The following BPGM variants were observed in gnomAD, a reference collection of about 807,000 sequenced individuals.
BPGM encodes 2,3-bisphosphoglycerate mutase, erythrocyte.
A neutral mutation model predicts 21.6 loss-of-function variants in BPGM; 15 were observed. That is an observed-to-expected ratio of 0.70 (90% CI 0.47 to 1.07). The LOEUF (loss-of-function observed/expected upper bound fraction) is 1.07. Ranked by LOEUF, BPGM falls within the 50% of genes least tolerant of loss-of-function variation. The probability of loss-of-function intolerance (pLI) is 0.00; values close to 1 mark genes in which losing one functional copy is unlikely to be tolerated. For synonymous variants in BPGM, 113 were observed against 116.2 expected, an observed-to-expected ratio of 0.97 and a Z score of 0.18; for missense variants, 273 against 319.0, an observed-to-expected ratio of 0.86 and a Z score of 1.10.
At chr7:134,648,613 G>A (rs1237861802) in intron 1 of BPGM, among the ~76,000 whole-genome samples, 1 of 152,104 alleles carries the variant, frequency 6.6e-6, no homozygotes, top group African/African-American at 2.4e-5. Context: ...CAAGAACATT[G>A]GCTTTAGTCC....
At chr7:134,647,912 C>T (rs1033470132) in intron 1 of BPGM, among the ~76,000 whole-genome samples, 1 of 152,108 alleles carries the variant, frequency 6.6e-6, no homozygotes, top group African/African-American at 2.4e-5. Flanking sequence ...ATTCTCCTGC[C>T]TCAGCCTCCC....
rs1425013126 is a variant in BPGM, at chr7:134,662,114, A to G, written c.601+6A>G. The stretch of plus-strand genomic sequence containing the variant: ...ACTCCTAAAACACCTGGAAGGTACC[A>G]GCTTTATATACCACTTATTAGAGGT... On this transcript the variant is annotated splice_donor_region_variant and intron_variant, in intron 2 of 2. Transcript: ENST00000344924. 3.1e-6 allele frequency: 5 copies of G among 1,614,038 alleles called. No homozygotes were observed. Among genetic ancestry groups the G allele is most frequent in the East Asian group, 2.2e-5 (1 of 44,882 alleles).
chr7:134,668,718 T>C (rs1795856987), intron 2 of BPGM, among the ~76,000 whole-genome samples: 1 of 152,254 alleles, frequency 6.6e-6, no homozygotes, highest in Non-Finnish European at 1.5e-5. Context: ...ATCACTAAGC[T>C]GTTTTGCTTA....
chr7:134,649,079 G>C (rs900868056), intron 1 of BPGM, among the ~76,000 whole-genome samples: 1 of 152,066 alleles, frequency 6.6e-6, no homozygotes, highest in Non-Finnish European at 1.5e-5. Flanking sequence ...TCACATCAGA[G>C]TACATAGGGT....
At chr7:134,667,317 G>A (rs948397822) in intron 2 of BPGM, among the ~76,000 whole-genome samples, 4 of 151,954 alleles carry the variant, frequency 2.6e-5, no homozygotes, top group African/African-American at 7.3e-5. Flanking sequence ...CCCATTTTGT[G>A]GTTAATGCCT....
intron 1 of BPGM, among the ~76,000 whole-genome samples, chr7:134,650,088 G>T (rs111231528): frequency 0.011 from 1,654 of 152,310 alleles, 35 homozygotes; most frequent in African/African-American, 0.038. Context: ...ATTTAAATAA[G>T]TTAAGATCAC....
Position 134,665,649 on chromosome 7 carries a change from GAAAAA to G in BPGM, c.601+3561_601+3565del, listed in dbSNP as rs1164169964. ...AAAATAAAATAAAATAAAAATTAATGAAAAAAAAAAAAAAAAAAAAAAAAGTGCAG... is the reference window on the plus strand; with the variant it reads ...AAAATAAAATAAAATAAAAATTAATGAAAAAAAAAAAAAAAAAAAGTGCAG... On this transcript the variant is annotated intron_variant, in intron 2 of 2. Coordinates refer to ENST00000344924, the MANE Select transcript of BPGM (RefSeq NM_001724.5). Among the ~76,000 whole-genome samples the G allele has an allele frequency of 4.6e-4, 36 of 78,246 alleles. 10 individuals are homozygous for G. Among genetic ancestry groups the G allele is most frequent in the Non-Finnish European group, 6.5e-4 (21 of 32,462 alleles). The allele number at this position is 78,246 out of a possible 152,430, so 51.3% of individuals were successfully genotyped here. A position where few individuals can be genotyped will look rare whatever the true frequency, so the allele number is the denominator to read the frequency against.
chr7:134,678,362 A>G (rs1324297909), intron 2 of BPGM, among the ~76,000 whole-genome samples: 1 of 152,196 alleles, frequency 6.6e-6, no homozygotes, highest in Non-Finnish European at 1.5e-5. Context: ...GATCTAGCTC[A>G]GGGTATTGCA....
chr7:134,675,734 T>C (rs939299730), intron 2 of BPGM, among the ~76,000 whole-genome samples: 4 of 152,196 alleles, frequency 2.6e-5, no homozygotes, highest in African/African-American at 9.7e-5. Context: ...ATATGAACTT[T>C]AAGATCAGTT....
chr7:134,648,064 C>T (rs1403877667), intron 1 of BPGM, among the ~76,000 whole-genome samples: 4 of 92,898 alleles, frequency 4.3e-5, no homozygotes, highest in Non-Finnish European at 8.0e-5. Flanking sequence ...TCCCAAAGTG[C>T]TGGGATTACA....
chr7:134,679,220 C>A lies in BPGM; in HGVS notation c.*189C>A, dbSNP rs539834489. The A allele has an allele frequency of 3.2e-6, 2 of 632,808 alleles. No homozygotes were observed. Among genetic ancestry groups the A allele is most frequent in the African/African-American group, 3.7e-5 (2 of 54,548 alleles). The allele number at this position is 632,808 out of a possible 1,614,324, so 39.2% of individuals were successfully genotyped here. ...GGATGCCTCAGTGCTTATGTCATAG[C>A]CTTATGAGTTAGCTTTCTTGCTAGC... is the stretch of plus-strand genomic sequence containing the variant. On this transcript the variant is annotated 3_prime_UTR_variant, in exon 3 of 3. Coordinates refer to ENST00000344924, the MANE Select transcript of BPGM (RefSeq NM_001724.5).
At chr7:134,655,507 C>T (rs1795622626) in intron 1 of BPGM, among the ~76,000 whole-genome samples, 1 of 152,174 alleles carries the variant, frequency 6.6e-6, no homozygotes, top group African/African-American at 2.4e-5. Flanking sequence ...TTGCCATTTA[C>T]TGGCCATATG....
chr7:134,651,656 C>T (rs1795556858), intron 1 of BPGM, among the ~76,000 whole-genome samples: 1 of 152,244 alleles, frequency 6.6e-6, no homozygotes, highest in East Asian at 1.9e-4. Flanking sequence ...CATCACTCCC[C>T]TATCTACAGT....
intron 2 of BPGM, among the ~76,000 whole-genome samples, chr7:134,675,440 AG>A (rs1349787842): frequency 6.6e-6 from 1 of 152,162 alleles, no homozygotes; most frequent in Non-Finnish European, 1.5e-5. Flanking sequence ...AGTATGAGTC[AG>A]GGGTCCAACT....
chr7:134,662,202 T>C, intron 2 of BPGM, 94 bp downstream of exon 2: 1 of 1,475,212 alleles, frequency 6.8e-7, no homozygotes, highest in Non-Finnish European at 9.4e-7. Flanking sequence ...ATTTACACAA[T>C]AGACTCCTCT....
In BPGM at chr7:134,679,053, G is replaced by A; in HGVS notation, c.*22G>A. On this transcript the variant is annotated 3_prime_UTR_variant, in exon 3 of 3. Coordinates refer to ENST00000344924, the MANE Select transcript of BPGM (RefSeq NM_001724.5). The stretch of plus-strand genomic sequence containing the variant: ...ATAGTCTTTCTCAACTGTTGGCTAA[G>A]AAGAAATGCAAAAGAAGTGGCATAG... The A allele has an allele frequency of 6.2e-7, 1 of 1,612,296 alleles. No homozygotes were observed. Among genetic ancestry groups the A allele is most frequent in the Non-Finnish European group, 8.5e-7 (1 of 1,178,516 alleles).
intron 2 of BPGM, among the ~76,000 whole-genome samples, chr7:134,673,741 T>G (rs1183433802): frequency 1.3e-5 from 2 of 152,160 alleles, no homozygotes; most frequent in Admixed American, 1.3e-4. Flanking sequence ...CATATAAACA[T>G]TCTTCTCTCT....
intron 2 of BPGM, among the ~76,000 whole-genome samples, chr7:134,662,730 A>G (rs1279308660): frequency 2.0e-5 from 3 of 152,196 alleles, no homozygotes; most frequent in African/African-American, 7.2e-5. Flanking sequence ...GAAGAAAGTT[A>G]GGGGGAAGGA....
chr7:134,664,810 A>T (rs1303198951), intron 2 of BPGM, among the ~76,000 whole-genome samples: 1 of 152,202 alleles, frequency 6.6e-6, no homozygotes, highest in African/African-American at 2.4e-5. Context: ...ACATTGAAAT[A>T]ACTCTGTTAT....
Sources: allele counts gnomAD v4.1 joint callset (sites outside exome capture counted in the v4.1 genomes callset), GRCh38; gene constraint gnomAD v4.1.1; transcripts MANE v1.5; gene names NCBI Gene and HGNC (gene_info 2026-07-23, HGNC 2026-07-21).